TENM2: variants seen among roughly 807,000 people sequenced by gnomAD.
TENM2 encodes the protein teneurin transmembrane protein 2.
TENM2 carries 52 observed loss-of-function variants against 245.2 expected under a neutral mutation model. That is an observed-to-expected ratio of 0.21 (90% confidence interval 0.17 to 0.27). The LOEUF (loss-of-function observed/expected upper bound fraction) is 0.27. TENM2 is among the 10% of genes least tolerant of loss of function. TENM2 has a pLI of 1.00. For synonymous variants in TENM2, 1,363 were observed against 1,438.9 expected, an observed-to-expected ratio of 0.95 and a Z score of 1.19; for missense variants, 3,046 against 3,666.8, an observed-to-expected ratio of 0.83 and a Z score of 4.37.
intron 2 of TENM2, among the ~76,000 whole-genome samples, chr5:167,462,885 T>G (rs566481569): frequency 6.6e-6 from 1 of 152,190 alleles, no homozygotes; most frequent in East Asian, 2.0e-4. Context: ...GAGAACCGCC[T>G]TCTTCTACCA....
chr5:167,974,820 C>T (rs1463381616), intron 4 of TENM2, among the ~76,000 whole-genome samples: 5 of 152,162 alleles, frequency 3.3e-5, no homozygotes, highest in Admixed American at 6.5e-5. Context: ...CCGACTGTGA[C>T]CCTGAACTTC....
At chr5:167,565,934 G>T (rs116260566) in intron 2 of TENM2, among the ~76,000 whole-genome samples, 31 of 152,182 alleles carry the variant, frequency 2.0e-4, no homozygotes, top group Admixed American at 3.3e-4. Context: ...CTGGAAAAGT[G>T]GTTTGTTTGT....
the TENM2 span, among the ~76,000 whole-genome samples, chr5:167,101,891 G>C: frequency 6.0e-5 from 4 of 66,190 alleles, no homozygotes; most frequent in East Asian, 1.2e-3. Context: ...TTATATATAT[G>C]TATATATAAT....
intron 2 of TENM2, among the ~76,000 whole-genome samples, chr5:167,798,187 C>T (rs191399463): frequency 6.6e-6 from 1 of 152,334 alleles, no homozygotes; most frequent in East Asian, 1.9e-4. Context: ...AAGCTAACTG[C>T]AGGCCAGAGT....
chr5:168,022,601 C>T (rs2151913998), intron 5 of TENM2, among the ~76,000 whole-genome samples: 1 of 152,310 alleles, frequency 6.6e-6, no homozygotes, highest in East Asian at 1.9e-4. Context: ...GCCTGCCAAG[C>T]ATGAGTGTTG....
chr5:168,124,184 C>A (rs949076666), intron 10 of TENM2, among the ~76,000 whole-genome samples: 7 of 152,190 alleles, frequency 4.6e-5, no homozygotes, highest in Non-Finnish European at 1.0e-4. Context: ...CTGGTGATTA[C>A]CTGTAGGAAG....
At chr5:167,703,530 CA>C (rs747603141) in intron 2 of TENM2, among the ~76,000 whole-genome samples, 88 of 97,154 alleles carry the variant, frequency 9.1e-4, no homozygotes, top group Middle Eastern at 0.012. Context: ...GAAACCATCT[CA>C]AAAAAAAAAA....
chr5:168,263,592 T>C (rs1000184759), downstream of TENM2: 3 of 152,656 alleles, frequency 2.0e-5, no homozygotes, highest in Admixed American at 2.0e-4. Flanking sequence ...CCTGAGCTAA[T>C]TTATTTGAGC....
chr5:167,695,942 G>A (rs1757735443), intron 2 of TENM2, among the ~76,000 whole-genome samples: 1 of 151,760 alleles, frequency 6.6e-6, no homozygotes, highest in South Asian at 2.1e-4. Flanking sequence ...GCTGAGGCAG[G>A]AGAATGATGT....
intron 1 of TENM2, among the ~76,000 whole-genome samples, chr5:167,330,430 T>C (rs1757370736): frequency 6.6e-6 from 1 of 152,166 alleles, no homozygotes; most frequent in African/African-American, 2.4e-5. Flanking sequence ...TTAAAAGCTA[T>C]ATGCTTGCTG....
chr5:168,169,128 G>A (rs1471607996), intron 13 of TENM2, among the ~76,000 whole-genome samples: 1 of 152,166 alleles, frequency 6.6e-6, no homozygotes, highest in African/African-American at 2.4e-5. Context: ...GGACTGTCAC[G>A]TGTATGGGTG....
intron 3 of TENM2, among the ~76,000 whole-genome samples, chr5:167,877,138 T>C (rs1583259471): frequency 6.6e-6 from 1 of 152,302 alleles, no homozygotes; most frequent in East Asian, 1.9e-4. Flanking sequence ...TGGTCAGTCA[T>C]GAGGTTAATT....
At chr5:167,690,379 T>G (rs1368416260) in intron 2 of TENM2, among the ~76,000 whole-genome samples, 5 of 151,844 alleles carry the variant, frequency 3.3e-5, no homozygotes, top group Non-Finnish European at 7.4e-5. Flanking sequence ...CAGATTGGGG[T>G]TTTTTCCCTG....
At chr5:167,859,158 C>G (rs1480151963) in intron 2 of TENM2, among the ~76,000 whole-genome samples, 2 of 99,842 alleles carry the variant, frequency 2.0e-5, no homozygotes, top group Admixed American at 9.1e-5. Context: ...TCTGCCCGGC[C>G]GAGACCCCGT....
At chr5:167,336,137 A>C (rs976642844) in intron 1 of TENM2, among the ~76,000 whole-genome samples, 8 of 147,490 alleles carry the variant, frequency 5.4e-5, no homozygotes, top group Non-Finnish European at 1.2e-4. Flanking sequence ...ATTTACAAAA[A>C]TTCATCCATT....
the TENM2 span, among the ~76,000 whole-genome samples, chr5:167,205,535 A>G: frequency 2.6e-4 from 40 of 152,310 alleles, no homozygotes; most frequent in African/African-American, 9.4e-4. Flanking sequence ...CTTCATTTGA[A>G]ATATTGAACT....
At chr5:166,991,436 T>A in the TENM2 span, among the ~76,000 whole-genome samples, 3 of 152,114 alleles carry the variant, frequency 2.0e-5, no homozygotes, top group Non-Finnish European at 4.4e-5. Context: ...AAATTGCAGT[T>A]ATCCTTGTTT....
At chr5:167,538,235 A>G (rs867862821) in intron 2 of TENM2, among the ~76,000 whole-genome samples, 1 of 152,382 alleles carries the variant, frequency 6.6e-6, no homozygotes, top group Middle Eastern at 3.4e-3. Flanking sequence ...ACACATGTGT[A>G]GTTGGAAAGG....
At chr5:167,524,976 T>C (rs190661932) in intron 2 of TENM2, among the ~76,000 whole-genome samples, 1 of 152,170 alleles carries the variant, frequency 6.6e-6, no homozygotes, top group African/African-American at 2.4e-5. Context: ...TGCAAGCTTC[T>C]TATGGGAAAC....
Sources: allele counts gnomAD v4.1 joint callset (sites outside exome capture counted in the v4.1 genomes callset), GRCh38; gene constraint gnomAD v4.1.1; transcripts MANE v1.5; gene names NCBI Gene and HGNC (gene_info 2026-07-23, HGNC 2026-07-21).